EIPR1: variants seen among roughly 807,000 people sequenced by gnomAD.
EIPR1 encodes the protein EARP complex and GARP complex interacting protein 1.
Under a neutral mutation model 48.1 loss-of-function variants are expected in EIPR1, and 25 were observed. The ratio of observed to expected loss-of-function variants is 0.52; its 90% CI spans 0.38 to 0.73. The LOEUF is 0.73. EIPR1 is among the 30% of genes least tolerant of loss of function. The pLI is 0.00. For missense variants in EIPR1, 415 were observed against 506.2 expected, an observed-to-expected ratio of 0.82 and a Z score of 1.73; for synonymous variants, 204 against 201.9, an observed-to-expected ratio of 1.01 and a Z score of -0.09.
intron 2 of EIPR1, among the ~76,000 whole-genome samples, chr2:3,352,156 C>A (rs1274018269): frequency 7.0e-6 from 1 of 142,836 alleles, no homozygotes; most frequent in South Asian, 2.4e-4. Context: ...CCCTGAGCCA[C>A]CCACACTGTC....
intron 3 of EIPR1, among the ~76,000 whole-genome samples, chr2:3,291,062 C>G (rs1668349622): frequency 6.6e-6 from 1 of 152,184 alleles, no homozygotes; most frequent in African/African-American, 2.4e-5. Context: ...AGAGATTCCC[C>G]CACGGCTGGC....
intron 3 of EIPR1, among the ~76,000 whole-genome samples, chr2:3,333,113 T>C (rs1669946924): frequency 6.6e-6 from 1 of 152,182 alleles, no homozygotes; most frequent in Non-Finnish European, 1.5e-5. Context: ...CTGACCACCC[T>C]TCTTAAGAAT....
chr2:3,267,913 C>T (rs1469092690), intron 3 of EIPR1, among the ~76,000 whole-genome samples: 2 of 152,242 alleles, frequency 1.3e-5, no homozygotes, highest in Admixed American at 6.5e-5. Flanking sequence ...CACTTGCCAC[C>T]TCAGGTGCTG....
chr2:3,232,061 T>C (rs1572332968), intron 4 of EIPR1, among the ~76,000 whole-genome samples: 1 of 152,220 alleles, frequency 6.6e-6, no homozygotes, highest in Middle Eastern at 3.2e-3. Flanking sequence ...TCAGTCTTGG[T>C]AGGTTGTATG....
At position 3,274,194 on chromosome 2, in the gene EIPR1, C is replaced by T; in HGVS notation, c.260-16739G>A. ...CCTTAAGTGGGGTGCACAGGAAAAA[C>T]AGAAAACAGCAGGCACAATATCAAT... On this transcript the variant is annotated intron_variant, in intron 3 of 8. Transcript: ENST00000382125. 3 of 1,358,000 alleles carry T rather than the reference C, an allele frequency of 2.2e-6. No homozygotes were observed. In the South Asian group the frequency reaches 4.7e-5, roughly 21 times the overall value. The allele number at this position is 1,358,000 out of a possible 1,614,324, so 84.1% of individuals were successfully genotyped here.
chr2:3,343,046 T>C (rs1156933291), intron 2 of EIPR1, among the ~76,000 whole-genome samples: 1 of 152,238 alleles, frequency 6.6e-6, no homozygotes, highest in Non-Finnish European at 1.5e-5. Flanking sequence ...ATATTACTAT[T>C]AATCACAATC....
At chr2:3,195,194 G>T (rs1418626983) in intron 6 of EIPR1, among the ~76,000 whole-genome samples, 1 of 152,248 alleles carries the variant, frequency 6.6e-6, no homozygotes, top group Non-Finnish European at 1.5e-5. Context: ...CTGGACAGTG[G>T]CTTGGAACAA....
intron 3 of EIPR1, among the ~76,000 whole-genome samples, chr2:3,307,051 C>T (rs866183191): frequency 3.3e-5 from 5 of 152,142 alleles, no homozygotes; most frequent in Middle Eastern, 3.4e-3. Flanking sequence ...CAACCTCCCC[C>T]TCCTGGGTTC....
At chr2:3,253,365 G>C (rs6548146) in intron 4 of EIPR1, among the ~76,000 whole-genome samples, 100,120 of 152,022 alleles carry the variant, frequency 0.66, 33,180 homozygotes, top group East Asian at 0.81. Context: ...GACCACCTTG[G>C]GCACATGTTC....
At chr2:3,267,819 G>A (rs893532710) in intron 3 of EIPR1, among the ~76,000 whole-genome samples, 7 of 152,234 alleles carry the variant, frequency 4.6e-5, no homozygotes, top group Non-Finnish European at 7.3e-5. Flanking sequence ...GACAGAGACC[G>A]AATGGCCTAC....
At chr2:3,336,495 C>T (rs1670045998) in intron 3 of EIPR1, among the ~76,000 whole-genome samples, 1 of 152,174 alleles carries the variant, frequency 6.6e-6, no homozygotes, top group South Asian at 2.1e-4. Flanking sequence ...GGGCCGGGCG[C>T]AGTGGCTCAC....
intron 3 of EIPR1, among the ~76,000 whole-genome samples, chr2:3,285,657 G>A (rs879690796): frequency 2.0e-5 from 3 of 150,570 alleles, no homozygotes; most frequent in African/African-American, 4.9e-5. Flanking sequence ...AGAAGTCACC[G>A]ATGTCTCCGG....
intron 2 of EIPR1, among the ~76,000 whole-genome samples, chr2:3,347,113 C>CA (rs1384782655): frequency 1.3e-5 from 2 of 152,152 alleles, no homozygotes; most frequent in Non-Finnish European, 2.9e-5. Context: ...TCCACCGTGA[C>CA]TGGAAGCTTC....
Position 3,337,180 on chromosome 2 carries a change from G to A in EIPR1, c.259+837C>T, listed in dbSNP as rs11902152. 8.1e-3 allele frequency among the ~76,000 whole-genome samples: 1,230 copies of A among 152,238 alleles called. 20 individuals are homozygous for A. The highest frequency in any genetic ancestry group is 0.028 in the African/African-American group (1,179 of 41,516). On this transcript the variant is annotated intron_variant, in intron 3 of 8. Coordinates refer to ENST00000382125, the MANE Select transcript of EIPR1 (RefSeq NM_003310.5). ...GGGAAGGGAAACACACACAGAACCC[G>A]GTGAAAGTGGAATATTAGATCGGGA...
rs1664532482 is a variant in EIPR1, at chr2:3,189,615, G to A, written c.990-107C>T. The A allele has an allele frequency of 9.0e-6, 10 of 1,107,704 alleles. No homozygotes were observed. Among genetic ancestry groups the A allele is most frequent in the African/African-American group, 1.6e-5 (1 of 63,398 alleles). 68.6% of individuals were successfully genotyped at this position (1,107,704 alleles called of 1,614,324 possible). ...ACATCGGGAGACACGGGAGGTACTG[G>A]GGCCTCAGCTTTCTCCGCTGTGGGA... On this transcript the variant is annotated intron_variant, in intron 8 of 8. Coordinates refer to ENST00000382125, the MANE Select transcript of EIPR1 (RefSeq NM_003310.5). This position sits in a 1 kb window ranked among gnomAD's most constrained non-coding sequence, Gnocchi z 4.6.
chr2:3,191,432 T>A (rs551056506), intron 8 of EIPR1, among the ~76,000 whole-genome samples: 12 of 133,430 alleles, frequency 9.0e-5, no homozygotes, highest in African/African-American at 2.8e-4. Flanking sequence ...AATCAGATGG[T>A]CCCATCGCCA....
chr2:3,193,669 C>T (rs767359231), intron 7 of EIPR1, among the ~76,000 whole-genome samples: 1 of 152,220 alleles, frequency 6.6e-6, no homozygotes, highest in Non-Finnish European at 1.5e-5. Flanking sequence ...CTTAACCAGT[C>T]CCCTAGTGAT....
At chr2:3,279,873 T>C (rs1667965577) in intron 3 of EIPR1, among the ~76,000 whole-genome samples, 2 of 152,240 alleles carry the variant, frequency 1.3e-5, no homozygotes, top group African/African-American at 2.4e-5. Context: ...CTCTCACTTA[T>C]ATCCACGTCT....
At chr2:3,346,175 G>A (rs1315354600) in intron 2 of EIPR1, among the ~76,000 whole-genome samples, 2 of 152,268 alleles carry the variant, frequency 1.3e-5, no homozygotes, top group East Asian at 1.9e-4. Context: ...GCGGCAGCAG[G>A]GCCCATGGGA....
Sources: gnomAD v4.1 joint callset for allele counts (sites outside exome capture counted in the v4.1 genomes callset) on GRCh38, gnomAD v4.1.1 for gene constraint, Gnocchi (gnomAD v3.1) non-coding constraint, MANE v1.5 for transcripts, NCBI Gene and HGNC (gene_info 2026-07-23, HGNC 2026-07-21) for gene names.